XPO7: variants seen among roughly 807,000 people sequenced by gnomAD.
XPO7 encodes the protein exportin 7, also known as exportin-7.
In XPO7, 21 loss-of-function variants were observed where a neutral mutation model predicts 144.3. That is an observed-to-expected ratio of 0.15 (90% confidence interval 0.10 to 0.21). XPO7 has a LOEUF of 0.21. Ranked by LOEUF, XPO7 falls within the 10% of genes least tolerant of loss-of-function variation. XPO7 has a pLI of 1.00. For synonymous variants in XPO7, 580 were observed against 499.6 expected, an observed-to-expected ratio of 1.16 and a Z score of -2.15; for missense variants, 808 against 1,325.8, an observed-to-expected ratio of 0.61 and a Z score of 6.06.
chr8:21,984,948 C>A, intron 12 of XPO7, 109 bp downstream of exon 12: 4 of 1,170,436 alleles, frequency 3.4e-6, no homozygotes, highest in Non-Finnish European at 3.6e-6. Flanking sequence ...ATTCTTTCAT[C>A]ATCTGTTGTC....
Position 22,004,985 on chromosome 8 carries a change from C to T in XPO7, c.3171-10C>T, listed in dbSNP as rs776563834. 2.5e-6 allele frequency: 4 copies of T among 1,586,704 alleles called. No homozygotes were observed. The highest frequency in any genetic ancestry group is 3.4e-6 in the Non-Finnish European group (4 of 1,161,972). The stretch of plus-strand genomic sequence containing the variant: ...TCTCCTCCCCCAACCCACATGCATC[C>T]TCTCTGCAGGTTCACCCAGAACCTG... On this transcript the variant is annotated splice_polypyrimidine_tract_variant and intron_variant, in intron 27 of 27. Coordinates refer to ENST00000252512, the MANE Select transcript of XPO7 (RefSeq NM_015024.5).
At chr8:21,987,627 G>C (rs545283641) in intron 14 of XPO7, among the ~76,000 whole-genome samples, 157 bp from the exon 15 acceptor site, 1 of 152,346 alleles carries the variant, frequency 6.6e-6, no homozygotes, top group South Asian at 2.1e-4. Flanking sequence ...CATCTGTCCA[G>C]TAATACTTGG....
intron 1 of XPO7, chr8:21,964,404 C>T (rs1268680230): frequency 6.6e-6 from 1 of 151,696 alleles, no homozygotes; most frequent in Non-Finnish European, 1.5e-5. Flanking sequence ...TTATTTTATG[C>T]TAGGCCAAAA....
At chr8:21,986,995 C>A in intron 13 of XPO7, 146 bp from the exon 14 acceptor site, 1 of 1,142,148 alleles carries the variant, frequency 8.8e-7, no homozygotes, top group Non-Finnish European at 1.3e-6. Flanking sequence ...TCTAGTCCTG[C>A]CTCCCTCATT....
intron 6 of XPO7, among the ~76,000 whole-genome samples, chr8:21,975,376 T>C (rs186655006): frequency 1.4e-4 from 21 of 152,368 alleles, no homozygotes; most frequent in African/African-American, 4.8e-4. Flanking sequence ...GTTGGTGTTT[T>C]CAATTCATTT....
Position 22,003,215 on chromosome 8 carries a change from T to A in XPO7, c.2944-4T>A. On this transcript the variant is annotated splice_polypyrimidine_tract_variant and splice_region_variant and intron_variant, in intron 25 of 27. Transcript: ENST00000252512. ...CTGCCTGAAATTCTCCATTCCATTTTCAGATGCTGTCCACGGTGCTGAACA... is the reference window on the plus strand; with the variant it reads ...CTGCCTGAAATTCTCCATTCCATTTACAGATGCTGTCCACGGTGCTGAACA... The A allele has an allele frequency of 6.2e-7, 1 of 1,607,026 alleles. No homozygotes were observed. The highest frequency in any genetic ancestry group is 8.5e-7 in the Non-Finnish European group (1 of 1,177,002).
chr8:21,931,121 G>A (rs1487127913), intron 1 of XPO7, among the ~76,000 whole-genome samples: 1 of 151,778 alleles, frequency 6.6e-6, no homozygotes, highest in Non-Finnish European at 1.5e-5. Context: ...TGGGATTACA[G>A]CCATGAGCCA....
chr8:21,985,103 A>G (rs1409357081), intron 12 of XPO7, among the ~76,000 whole-genome samples: 3 of 152,214 alleles, frequency 2.0e-5, no homozygotes, highest in African/African-American at 7.2e-5. Context: ...TCTTGGCTCA[A>G]GTGATCCTCC....
chr8:21,958,398 C>A (rs1459783192), intron 1 of XPO7, among the ~76,000 whole-genome samples: 1 of 152,134 alleles, frequency 6.6e-6, no homozygotes, highest in Non-Finnish European at 1.5e-5. Flanking sequence ...ATATTTTAAA[C>A]CATATTGTTG....
At position 21,969,503 on chromosome 8, in the gene XPO7, G is replaced by A. The variant is rs1292351941; in HGVS notation, c.186G>A (p.Leu62=). ...ERGSSSYSQL[L]AATCLTKLVS... ...CACAGTCCTCTTACTCCCAGTTACTGGCAGCTACATGCCTTACCAAGCTTG... is the reference window on the plus strand; with the variant it reads ...CACAGTCCTCTTACTCCCAGTTACTAGCAGCTACATGCCTTACCAAGCTTG... The change falls in exon 3 of 28, where the codon CTG becomes CTA. Residue 62 remains leucine (L), a synonymous_variant. Transcript: ENST00000252512. The A allele has an allele frequency of 2.5e-6, 4 of 1,613,594 alleles. No homozygotes were observed. The highest frequency in any genetic ancestry group is 2.2e-5 in the East Asian group (1 of 44,872).
intron 15 of XPO7, 105 bp from the exon 16 acceptor site, chr8:21,988,898 G>C: frequency 1.1e-6 from 1 of 922,422 alleles, no homozygotes; most frequent in South Asian, 1.6e-5. Context: ...TGGTGGTGCA[G>C]ATGTGTGGTG....
intron 1 of XPO7, among the ~76,000 whole-genome samples, chr8:21,927,295 A>G (rs1231489106): frequency 6.6e-6 from 1 of 152,174 alleles, no homozygotes; most frequent in Admixed American, 6.5e-5. Context: ...GGTGTTACAA[A>G]TGAAAATTTG....
At chr8:21,989,872 T>TG (rs1334764843) in intron 16 of XPO7, among the ~76,000 whole-genome samples, 3 of 122,390 alleles carry the variant, frequency 2.5e-5, no homozygotes, top group African/African-American at 9.7e-5. Context: ...TTTTTTGAGA[T>TG]GGAGTCTTGC....
intron 1 of XPO7, among the ~76,000 whole-genome samples, chr8:21,935,796 A>G (rs1324801411): frequency 6.9e-6 from 1 of 144,148 alleles, no homozygotes; most frequent in Non-Finnish European, 1.5e-5. Context: ...TCTCATGCCC[A>G]TGCAGAGTCC....
intron 19 of XPO7, among the ~76,000 whole-genome samples, chr8:21,992,213 T>C (rs1812794132): frequency 6.6e-6 from 1 of 152,342 alleles, no homozygotes; most frequent in East Asian, 1.9e-4. Context: ...TATATTAGCA[T>C]AAAGTTGTTT....
chr8:21,928,102 G>C lies in XPO7; in HGVS notation c.18+8314G>C, dbSNP rs76450782. ...CTCTTTGCAGTCTGTTCCTCCCTCA[G>C]CTCTCAGACCCACACAACCCTGTTC... On this transcript the variant is annotated intron_variant, in intron 1 of 27. Coordinates refer to ENST00000252512, the MANE Select transcript of XPO7 (RefSeq NM_015024.5). Among the ~76,000 whole-genome samples the C allele has an allele frequency of 1.1e-3, 161 of 152,258 alleles. 1 individual carries two copies. In the East Asian group the frequency reaches 0.029, roughly 28 times the overall value.
rs143868396 is a variant in XPO7 at position 21,999,725 on chromosome 8, TAACTA to T, written c.2782+55_2782+59del. On this transcript the variant is annotated intron_variant, in intron 24 of 27. Transcript: ENST00000252512. ...GTTGGTGGGTTTGTTTTTTACCACT[TAACTA>T]AACAGAAAGAGAGAATCTTGCCCCA... 1.2e-3 allele frequency: 1,857 copies of T among 1,607,048 alleles called. 15 individuals are homozygous for T. In the African/African-American group the frequency reaches 0.021, roughly 18 times the overall value.
At chr8:21,982,850 G>T in intron 11 of XPO7, 38 bp downstream of exon 11, 1 of 1,554,898 alleles carries the variant, frequency 6.4e-7, no homozygotes, top group Non-Finnish European at 8.7e-7. Context: ...CGCACCAGTG[G>T]CCTGTTGTCA....
At chr8:21,964,258 C>G (rs1357247919) in intron 1 of XPO7, 1 of 152,090 alleles carries the variant, frequency 6.6e-6, no homozygotes, top group African/African-American at 2.4e-5. Context: ...GAATAGATAT[C>G]CTTAATAAGA....
Sources: gnomAD v4.1 joint callset for allele counts (sites outside exome capture counted in the v4.1 genomes callset) on GRCh38, gnomAD v4.1.1 for gene constraint, MANE v1.5 for transcripts, NCBI Gene and HGNC (gene_info 2026-07-23, HGNC 2026-07-21) for gene names.